The following LATS1 variants were observed in gnomAD, a reference collection of about 807,000 sequenced individuals.
LATS1 encodes the protein large tumor suppressor kinase 1.
In LATS1, 25 loss-of-function variants were observed where a neutral mutation model predicts 106.6. The ratio of observed to expected loss-of-function variants is 0.23; its 90% confidence interval spans 0.17 to 0.33. The LOEUF is 0.33. Ranked by LOEUF, LATS1 falls within the 10% of genes least tolerant of loss-of-function variation. LATS1 has a pLI of 1.00. For missense variants in LATS1, 1,040 were observed against 1,382.6 expected, an observed-to-expected ratio of 0.75 and a Z score of 3.93; for synonymous variants, 465 against 455.6, an observed-to-expected ratio of 1.02 and a Z score of -0.26.
chr6:149,659,872 G>A lies in LATS1; in HGVS notation c.*1857C>T, dbSNP rs924580341. On this transcript the variant is annotated 3_prime_UTR_variant, in exon 8 of 8. Transcript: ENST00000543571. The stretch of plus-strand genomic sequence containing the variant: ...AATATTTCTGTATCAAGCTTGTAAT[G>A]AGCCTAACATTTCAGTCCCCTCCAA... 4.4e-6 allele frequency: 1 copy of A among 227,574 alleles called. No individual in the cohort carries two copies. 14.1% of individuals were successfully genotyped at this position (227,574 alleles called of 1,614,324 possible).
intron 5 of LATS1, among the ~76,000 whole-genome samples, chr6:149,679,650 C>A (rs190538045): frequency 3.3e-5 from 5 of 151,868 alleles, no homozygotes; most frequent in Admixed American, 6.6e-5. Flanking sequence ...ACAATCAAGT[C>A]TAGCACATTC....
intron 2 of LATS1, among the ~76,000 whole-genome samples, chr6:149,701,358 A>G (rs937872272): frequency 2.6e-5 from 4 of 152,218 alleles, no homozygotes; most frequent in Non-Finnish European, 1.5e-5. Context: ...CTGCTTACAC[A>G]AACTCTTAAC....
In LATS1 at chr6:149,684,366, T is replaced by C. The variant is rs745821603; in HGVS notation, c.723A>G (p.Gln241=). The change falls in exon 4 of 8, where the codon CAA becomes CAG. Residue 241 remains glutamine (Q), a synonymous_variant. Transcript: ENST00000543571. ...GQRVNPPPPP[Q]VRSVTPPPPP... The stretch of plus-strand genomic sequence containing the variant: ...GTGGTGGAGGAGTAACACTCCTTAC[T>C]TGAGGTGGTGGTGGGGGGTTCACTC... The C allele has an allele frequency of 7.4e-6, 12 of 1,613,914 alleles. No homozygotes were observed. The Admixed American group carries it at 8.3e-5, about 11-fold the overall frequency.
At chr6:149,668,952 A>C (rs1290229469) in intron 7 of LATS1, among the ~76,000 whole-genome samples, 3 of 151,826 alleles carry the variant, frequency 2.0e-5, no homozygotes. Context: ...CTGGGACTGT[A>C]GGCATGTACT....
At chr6:149,713,467 T>C (rs536991376) in intron 1 of LATS1, among the ~76,000 whole-genome samples, 1 of 149,260 alleles carries the variant, frequency 6.7e-6, no homozygotes, top group Admixed American at 6.7e-5. Flanking sequence ...GCTAATTTTT[T>C]GTATTTTTAG....
At position 149,660,233 on chromosome 6, in the gene LATS1, G is replaced by C. The variant is rs149331949; in HGVS notation, c.*1496C>G. On this transcript the variant is annotated 3_prime_UTR_variant, in exon 8 of 8. Transcript: ENST00000543571. ...GAACCACTAACCCCAAAAGACGCAC[G>C]ATAACACAGTAGTGGGTTTTCAGGC... 1 of 232,682 alleles carries C rather than the reference G, an allele frequency of 4.3e-6. No homozygotes were observed. Among genetic ancestry groups the C allele is most frequent in the Non-Finnish European group, 8.5e-6 (1 of 117,836 alleles). 14.4% of individuals were successfully genotyped at this position (232,682 alleles called of 1,614,324 possible). A position where few individuals can be genotyped will look rare whatever the true frequency, so the allele number is the denominator to read the frequency against.
At chr6:149,672,289 A>G (rs537370658) in intron 7 of LATS1, among the ~76,000 whole-genome samples, 3 of 151,570 alleles carry the variant, frequency 2.0e-5, no homozygotes, top group Non-Finnish European at 4.4e-5. Flanking sequence ...AGCTCACTGC[A>G]ATCTTTACCT....
intron 2 of LATS1, among the ~76,000 whole-genome samples, chr6:149,700,552 A>G (rs1227577062): frequency 6.6e-6 from 1 of 152,076 alleles, no homozygotes; most frequent in Non-Finnish European, 1.5e-5. Flanking sequence ...ACTACAATGC[A>G]TACTTAGGTT....
chr6:149,666,738 C>G (rs1205513186), intron 7 of LATS1, among the ~76,000 whole-genome samples: 1 of 151,688 alleles, frequency 6.6e-6, no homozygotes, highest in Non-Finnish European at 1.5e-5. Flanking sequence ...GTCAGGAGAT[C>G]GAGACCATCC....
In LATS1 at chr6:149,717,765, G is replaced by C. The variant is rs116446005; in HGVS notation, c.-141+84C>G. 735 of 268,144 alleles carry C rather than the reference G, an allele frequency of 2.7e-3. 10 individuals are homozygous for C. Among genetic ancestry groups the C allele is most frequent in the African/African-American group, 0.016 (684 of 42,158 alleles). The allele number at this position is 268,144 out of a possible 1,614,324, so 16.6% of individuals were successfully genotyped here. A position where few individuals can be genotyped will look rare whatever the true frequency, so the allele number is the denominator to read the frequency against. On this transcript the variant is annotated intron_variant, in intron 1 of 7. Coordinates refer to ENST00000543571, the MANE Select transcript of LATS1 (RefSeq NM_004690.4). Reference sequence around the variant, plus strand: ...CCAAACCTCTGGACCCTCGCCAGCGGGGATGGGCGTGGGCCCCGGCGGCCA... The same window carrying C: ...CCAAACCTCTGGACCCTCGCCAGCGCGGATGGGCGTGGGCCCCGGCGGCCA...
At chr6:149,668,634 C>T (rs368575107) in intron 7 of LATS1, among the ~76,000 whole-genome samples, 1 of 150,536 alleles carries the variant, frequency 6.6e-6, no homozygotes, top group African/African-American at 2.5e-5. Flanking sequence ...GGTAGAGACA[C>T]TGTCTATGAT....
At chr6:149,669,199 T>C (rs1253889345) in intron 7 of LATS1, among the ~76,000 whole-genome samples, 4 of 151,712 alleles carry the variant, frequency 2.6e-5, no homozygotes, top group African/African-American at 9.7e-5. Context: ...AGTGGCGCCA[T>C]CTCGGCTCAC....
chr6:149,676,115 G>T, intron 7 of LATS1, 145 bp downstream of exon 7: 1 of 613,280 alleles, frequency 1.6e-6, no homozygotes, highest in Non-Finnish European at 2.9e-6. Flanking sequence ...GCCTCCCAAA[G>T]AACTGGCATT....
intron 7 of LATS1, among the ~76,000 whole-genome samples, chr6:149,673,861 G>C (rs747594207): frequency 2.0e-5 from 3 of 151,576 alleles, no homozygotes; most frequent in Non-Finnish European, 4.4e-5. Context: ...TTTTAGTAGA[G>C]ACGGGGTTTC....
At chr6:149,676,075 C>A (rs753355668) in intron 7 of LATS1, 185 bp downstream of exon 7, 13 of 553,686 alleles carry the variant, frequency 2.3e-5, no homozygotes, top group Non-Finnish European at 3.9e-5. Flanking sequence ...TGATCTTGAA[C>A]TCCTAGGCTC....
chr6:149,677,955 G>A (rs1331996276), intron 5 of LATS1, among the ~76,000 whole-genome samples: 1 of 151,494 alleles, frequency 6.6e-6, no homozygotes, highest in East Asian at 1.9e-4. Context: ...AGGAGATGGA[G>A]GTTGCAGTGG....
chr6:149,670,843 A>T (rs1451434419), intron 7 of LATS1, among the ~76,000 whole-genome samples: 1 of 151,760 alleles, frequency 6.6e-6, no homozygotes, highest in Non-Finnish European at 1.5e-5. Context: ...TTTCTTAGCT[A>T]TGTGATTTGT....
At chr6:149,715,823 T>G (rs1784354117) in intron 1 of LATS1, among the ~76,000 whole-genome samples, 1 of 152,248 alleles carries the variant, frequency 6.6e-6, no homozygotes, top group Non-Finnish European at 1.5e-5. Flanking sequence ...TCTTTGCTGC[T>G]ATGACATGTG....
At chr6:149,667,219 G>A (rs564077623) in intron 7 of LATS1, among the ~76,000 whole-genome samples, 23 of 151,938 alleles carry the variant, frequency 1.5e-4, no homozygotes, top group African/African-American at 5.5e-4. Flanking sequence ...TGGATCACTT[G>A]AGGCCAGAAG....
Sources: allele counts gnomAD v4.1 joint callset (sites outside exome capture counted in the v4.1 genomes callset), GRCh38; gene constraint gnomAD v4.1.1; transcripts MANE v1.5; gene names NCBI Gene and HGNC (gene_info 2026-07-23, HGNC 2026-07-21).